Variants in HEPH observed in about 807,000 individuals in gnomAD.
HEPH encodes the protein hephaestin.
A neutral mutation model predicts 80.8 loss-of-function variants in HEPH; 69 were observed. The observed-to-expected ratio is 0.85, with a 90% CI of 0.70 to 1.04. The LOEUF (loss-of-function observed/expected upper bound fraction) is 1.04. HEPH is among the 50% of genes least tolerant of loss of function. HEPH has a pLI of 0.00. For missense variants in HEPH, 1,115 were observed against 891.3 expected (o/e 1.25, Z -3.20); for synonymous variants, 431 against 322.8 (o/e 1.34, Z -3.60).
At chrX:66,194,814 C>G (rs1247843643) in intron 8 of HEPH, among the ~76,000 whole-genome samples, 1 of 111,466 alleles carries the variant, frequency 9.0e-6, no homozygotes, top group African/African-American at 3.3e-5. Context: ...TTCCACTTCT[C>G]TCAGCTGAAA....
intron 1 of HEPH, among the ~76,000 whole-genome samples, chrX:66,168,195 G>A (rs1354025578): frequency 1.8e-5 from 2 of 111,854 alleles, no homozygotes; most frequent in African/African-American, 6.5e-5. Flanking sequence ...GAGGCTAAAG[G>A]TGGCCTTCTG....
intron 15 of HEPH, among the ~76,000 whole-genome samples, chrX:66,208,639 TA>T: frequency 2.1e-5 from 1 of 48,401 alleles, no homozygotes; most frequent in African/African-American, 1.4e-4. Context: ...TACATATATA[TA>T]TATATATATA....
In HEPH at chrX:66,164,314, A is replaced by G; in HGVS notation, c.-170A>G. The G allele has an allele frequency of 1.3e-6, 1 of 753,727 alleles. No individual in the cohort carries two copies. Among genetic ancestry groups the G allele is most frequent in the Non-Finnish European group, 1.6e-6 (1 of 638,952 alleles). The allele number at this position is 753,727 out of a possible 1,213,427, so 62.1% of individuals were successfully genotyped here. ...TCCCCCTCCCTCATCCTCCCATCCC[A>G]GTAAACCCTGCCAAATTGGAATCCT... On this transcript the variant is annotated 5_prime_UTR_variant, in exon 1 of 21. Transcript: ENST00000343002.
intron 15 of HEPH, among the ~76,000 whole-genome samples, chrX:66,241,489 A>C (rs1340159829): frequency 1.8e-5 from 2 of 111,779 alleles, no homozygotes; most frequent in African/African-American, 6.5e-5. Flanking sequence ...ACTTTAAACC[A>C]ACAACAATCA....
At chrX:66,168,720 T>A (rs1056884190) in intron 1 of HEPH, among the ~76,000 whole-genome samples, 1 of 112,054 alleles carries the variant, frequency 8.9e-6, no homozygotes, top group East Asian at 2.8e-4. Flanking sequence ...TTCTCAATTT[T>A]TTATTAACAA....
At chrX:66,179,738 A>G (rs1191716120) in intron 4 of HEPH, among the ~76,000 whole-genome samples, 1 of 110,761 alleles carries the variant, frequency 9.0e-6, no homozygotes, top group Non-Finnish European at 1.9e-5. Context: ...TCTATTAGTA[A>G]TTGTTTTATA....
chrX:66,199,164 C>T (rs745988710), intron 11 of HEPH, 136 bp downstream of exon 11: 14 of 575,768 alleles, frequency 2.4e-5, no homozygotes, highest in Non-Finnish European at 3.9e-5. Flanking sequence ...GATTGAGAGG[C>T]TCAACCGAAC....
intron 15 of HEPH, among the ~76,000 whole-genome samples, chrX:66,220,721 G>A (rs1489589766): frequency 9.0e-6 from 1 of 110,760 alleles, no homozygotes; most frequent in African/African-American, 3.3e-5. Context: ...GACTTGTTTG[G>A]GCACCCCTTT....
chrX:66,179,463 T>A (rs2086986548), intron 4 of HEPH, among the ~76,000 whole-genome samples: 1 of 111,983 alleles, frequency 8.9e-6, no homozygotes, highest in African/African-American at 3.2e-5. Context: ...TTTATAGTAG[T>A]TTTTTCCAAT....
intron 15 of HEPH, among the ~76,000 whole-genome samples, chrX:66,227,979 A>C (rs2089963463): frequency 9.0e-6 from 1 of 111,425 alleles, no homozygotes. Flanking sequence ...TAAAAAAATG[A>C]AACTGAATCC....
intron 7 of HEPH, among the ~76,000 whole-genome samples, chrX:66,193,069 C>A (rs1274967592): frequency 7.2e-5 from 8 of 110,728 alleles, no homozygotes; most frequent in Non-Finnish European, 1.5e-4. Flanking sequence ...TCTACGATTT[C>A]CAGCTGGGCT....
rs749322239 is a variant in HEPH at position 66,256,102 on chromosome X, C to T, written c.2671-3C>T. On this transcript the variant is annotated splice_polypyrimidine_tract_variant and splice_region_variant and intron_variant, in intron 16 of 20. Transcript: ENST00000343002. ...TCTCTCTCCCACTTCCTCCCTTCCTCAGGACATGTATAGTGGCCTGGTGGG... is the reference window on the plus strand; with the variant it reads ...TCTCTCTCCCACTTCCTCCCTTCCTTAGGACATGTATAGTGGCCTGGTGGG... The T allele has an allele frequency of 1.3e-5, 15 of 1,196,656 alleles. No homozygotes were observed. The highest frequency in any genetic ancestry group is 1.6e-5 in the Non-Finnish European group (14 of 884,612).
chrX:66,229,742 A>C (rs2090042281), intron 15 of HEPH, among the ~76,000 whole-genome samples: 1 of 111,838 alleles, frequency 8.9e-6, no homozygotes, highest in Non-Finnish European at 1.9e-5. Context: ...TGTTCCTTTC[A>C]TCCTACTCTC....
chrX:66,188,366 G>A lies in HEPH; in HGVS notation c.633G>A (p.Leu211=). The change falls in exon 5 of 21, where the codon CTG becomes CTA. Residue 211 remains leucine (L), a synonymous_variant. Coordinates refer to ENST00000343002, the MANE Select transcript of HEPH (RefSeq NM_001367233.3). ...GPLITCKRGA[L]DGNSPPQRQD... The stretch of plus-strand genomic sequence containing the variant: ...CTGTCTTACTTGCCCTAGGAGCCCT[G>A]GATGGGAACTCCCCTCCTCAACGCC... 2 of 1,186,226 alleles carry A rather than the reference G, an allele frequency of 1.7e-6. No individual in the cohort carries two copies. The highest frequency in any genetic ancestry group is 2.3e-6 in the Non-Finnish European group (2 of 882,046).
chrX:66,251,279 C>G (rs1602528551), intron 15 of HEPH, among the ~76,000 whole-genome samples: 2 of 112,043 alleles, frequency 1.8e-5, no homozygotes, highest in Admixed American at 1.9e-4. Context: ...AACTGCCAAA[C>G]TTTTTTCCAG....
intron 10 of HEPH, among the ~76,000 whole-genome samples, chrX:66,198,167 T>C (rs7878370): frequency 0.36 from 35,844 of 98,872 alleles, 9,042 homozygotes; most frequent in African/African-American, 0.85. Flanking sequence ...TCCCTCCCTC[T>C]CTCTCCCTTT....
intron 5 of HEPH, 143 bp downstream of exon 5, chrX:66,188,684 G>T (rs2087623732): frequency 8.6e-6 from 4 of 462,500 alleles, no homozygotes; most frequent in Non-Finnish European, 1.4e-5. Context: ...GCTCTTCCCT[G>T]TTTTACATGT....
chrX:66,255,212 G>A (rs1450992437), intron 16 of HEPH, 71 bp downstream of exon 16: 11 of 638,265 alleles, frequency 1.7e-5, no homozygotes, highest in Admixed American at 1.6e-4. Flanking sequence ...ACCAGGTGTA[G>A]TAAGAAGCTT....
At chrX:66,238,844 T>C (rs1289378343) in intron 15 of HEPH, among the ~76,000 whole-genome samples, 1 of 112,256 alleles carries the variant, frequency 8.9e-6, no homozygotes, top group Non-Finnish European at 1.9e-5. Context: ...TCTATAGATA[T>C]TAGATTAACT....
Sources: allele counts gnomAD v4.1 joint callset (sites outside exome capture counted in the v4.1 genomes callset), GRCh38; gene constraint gnomAD v4.1.1; transcripts MANE v1.5; gene names NCBI Gene and HGNC (gene_info 2026-07-23, HGNC 2026-07-21).